AFF3: variants seen among roughly 807,000 people sequenced by gnomAD.
AFF3 encodes the protein ALF transcription elongation factor 3.
In AFF3, 32 loss-of-function variants were observed where a neutral mutation model predicts 129.7. That is an observed-to-expected ratio of 0.25 (90% confidence interval 0.19 to 0.33). AFF3 has a LOEUF of 0.33. AFF3 is among the 10% of genes least tolerant of loss of function. AFF3 has a pLI of 1.00. For synonymous variants in AFF3, 644 were observed against 635.4 expected (o/e 1.01, Z -0.20); for missense variants, 1,373 against 1,592.0 (o/e 0.86, Z 2.34).
At chr2:100,001,468 G>A (rs138048143) in intron 7 of AFF3, among the ~76,000 whole-genome samples, 2,203 of 152,100 alleles carry the variant, frequency 0.014, 64 homozygotes, top group African/African-American at 0.05. Context: ...TCACTCTGTC[G>A]CCCAGACTGG....
intron 7 of AFF3, among the ~76,000 whole-genome samples, chr2:99,898,601 G>A (rs1209879597): frequency 6.6e-6 from 1 of 152,186 alleles, no homozygotes; most frequent in Non-Finnish European, 1.5e-5. Flanking sequence ...TGGCATCACA[G>A]TCTTGTCCAC....
chr2:99,591,548 T>C (rs1271659591), intron 15 of AFF3, among the ~76,000 whole-genome samples: 3 of 152,220 alleles, frequency 2.0e-5, no homozygotes, highest in Non-Finnish European at 2.9e-5. Context: ...ATGATTGTCA[T>C]AAAAAGGAGA....
At chr2:99,589,551 G>A (rs907219904) in intron 15 of AFF3, among the ~76,000 whole-genome samples, 4 of 151,856 alleles carry the variant, frequency 2.6e-5, no homozygotes, top group African/African-American at 7.3e-5. Flanking sequence ...ACAGGCACGC[G>A]CCACCACGCC....
intron 7 of AFF3, among the ~76,000 whole-genome samples, chr2:99,914,929 TTAAAATAAAA>T (rs529986833): frequency 1.3e-5 from 2 of 151,698 alleles, no homozygotes; most frequent in South Asian, 2.1e-4. Flanking sequence ...AATTAATTAA[TTAAAATAAAA>T]TAAAATAAAA....
chr2:99,884,605 T>C (rs1359238301), intron 7 of AFF3, among the ~76,000 whole-genome samples: 3 of 152,144 alleles, frequency 2.0e-5, no homozygotes. Flanking sequence ...GGTTTCACCA[T>C]GTTGGCCAGG....
intron 8 of AFF3, among the ~76,000 whole-genome samples, chr2:99,796,855 A>T (rs755795964): frequency 3.3e-5 from 5 of 152,200 alleles, no homozygotes; most frequent in Admixed American, 1.3e-4. Flanking sequence ...CTTATAATTA[A>T]CAGGGCATTG....
chr2:100,084,299 T>TA (rs1159497780), intron 4 of AFF3, among the ~76,000 whole-genome samples: 1 of 152,250 alleles, frequency 6.6e-6, no homozygotes, highest in East Asian at 1.9e-4. Flanking sequence ...TTAACTGTAC[T>TA]AAACACTTTA....
intron 7 of AFF3, among the ~76,000 whole-genome samples, chr2:99,946,265 G>A (rs191006284): frequency 5.2e-4 from 79 of 151,922 alleles, no homozygotes; most frequent in Non-Finnish European, 9.6e-4. Flanking sequence ...TTGAGGTCAG[G>A]AGTTTGAAAC....
intron 8 of AFF3, among the ~76,000 whole-genome samples, chr2:99,807,506 T>C (rs921511705): frequency 1.3e-5 from 2 of 152,192 alleles, no homozygotes; most frequent in Non-Finnish European, 2.9e-5. Flanking sequence ...TCCCAATTCA[T>C]AAATTCTACT....
chr2:100,043,365 ATCT>A (rs1168103123), intron 4 of AFF3, among the ~76,000 whole-genome samples: 11 of 152,224 alleles, frequency 7.2e-5, no homozygotes, highest in Non-Finnish European at 1.6e-4. Flanking sequence ...CTCAGCAACC[ATCT>A]TCTTCTGACA....
chr2:99,992,119 T>C (rs1246578134), intron 7 of AFF3, among the ~76,000 whole-genome samples: 1 of 152,172 alleles, frequency 6.6e-6, no homozygotes, highest in East Asian at 1.9e-4. Flanking sequence ...AAACATTTAT[T>C]TTTTATTAAA....
intron 4 of AFF3, among the ~76,000 whole-genome samples, chr2:100,037,076 T>TA (rs1444374813): frequency 6.6e-6 from 1 of 151,926 alleles, no homozygotes; most frequent in Non-Finnish European, 1.5e-5. Context: ...ATTCTATTGT[T>TA]AAAAACTGTT....
At chr2:99,873,330 C>G (rs964280971) in intron 7 of AFF3, among the ~76,000 whole-genome samples, 5 of 152,214 alleles carry the variant, frequency 3.3e-5, no homozygotes, top group Non-Finnish European at 7.3e-5. Context: ...TGCTAAGTTG[C>G]CTGCAGTACT....
chr2:99,828,680 T>C (rs1480244343), intron 8 of AFF3, among the ~76,000 whole-genome samples: 1 of 152,190 alleles, frequency 6.6e-6, no homozygotes, highest in African/African-American at 2.4e-5. Flanking sequence ...GAGGCAGTAA[T>C]GGGACTGAAA....
chr2:99,905,135 G>A (rs1694619238), intron 7 of AFF3, among the ~76,000 whole-genome samples: 1 of 152,150 alleles, frequency 6.6e-6, no homozygotes, highest in South Asian at 2.1e-4. Context: ...GCTACCCATG[G>A]CAGCATCAAG....
intron 7 of AFF3, among the ~76,000 whole-genome samples, chr2:99,991,884 C>A (rs1019283706): frequency 3.3e-5 from 5 of 149,474 alleles, no homozygotes; most frequent in Non-Finnish European, 1.5e-5. Context: ...GCCTGGGCAA[C>A]AGAGCAAGAT....
At chr2:99,722,845 G>C (rs1156290087) in intron 11 of AFF3, among the ~76,000 whole-genome samples, 1 of 151,998 alleles carries the variant, frequency 6.6e-6, no homozygotes. Flanking sequence ...TCTATCCCCT[G>C]ACACCTCAAG....
chr2:99,669,773 C>T (rs1686989846), intron 12 of AFF3, among the ~76,000 whole-genome samples: 1 of 152,078 alleles, frequency 6.6e-6, no homozygotes, highest in Non-Finnish European at 1.5e-5. Flanking sequence ...ATTTTGAGAC[C>T]ACTCTGGCCA....
chr2:100,002,468 T>C (rs1681510756), intron 7 of AFF3, among the ~76,000 whole-genome samples: 1 of 152,236 alleles, frequency 6.6e-6, no homozygotes, highest in South Asian at 2.1e-4. Flanking sequence ...GAAAATTCTA[T>C]GATTAATCAA....
Sources: allele counts gnomAD v4.1 joint callset (sites outside exome capture counted in the v4.1 genomes callset), GRCh38; gene constraint gnomAD v4.1.1; transcripts MANE v1.5; gene names NCBI Gene and HGNC (gene_info 2026-07-23, HGNC 2026-07-21).